PCDH9: variants seen among roughly 807,000 people sequenced by gnomAD.
PCDH9 encodes the protein protocadherin 9.
A neutral mutation model predicts 70.6 loss-of-function variants in PCDH9; 24 were observed. That is an observed-to-expected ratio of 0.34 (90% CI 0.25 to 0.48). The LOEUF (loss-of-function observed/expected upper bound fraction) is 0.48. PCDH9 is among the 20% of genes least tolerant of loss of function. The pLI, the probability that PCDH9 is intolerant of heterozygous loss-of-function variation, is 0.99. For missense variants in PCDH9, 1,281 were observed against 1,503.6 expected (o/e 0.85, Z 2.45); for synonymous variants, 562 against 558.5 (o/e 1.01, Z -0.09).
At chr13:66,915,896 T>C (rs1245372726) in intron 2 of PCDH9, among the ~76,000 whole-genome samples, 1 of 151,568 alleles carries the variant, frequency 6.6e-6, no homozygotes, top group East Asian at 1.9e-4. Context: ...ACAGAAACTG[T>C]GAGCTTGGAA....
At position 66,860,755 on chromosome 13, in the gene PCDH9, A is replaced by T. The variant is rs1288648121; in HGVS notation, c.3138+42749T>A. Among the ~76,000 whole-genome samples, 4 of 152,328 alleles carry T rather than the reference A, an allele frequency of 2.6e-5. No individual in the cohort carries two copies. In the South Asian group the frequency reaches 8.3e-4, roughly 32 times the overall value. On this transcript the variant is annotated intron_variant, in intron 3 of 4. Transcript: ENST00000377865. Reference sequence around the variant, plus strand: ...GTACTTTACCTGTGATTGCAATGGCAGATTCTTCAAAAGAGCGAAACAGAG... The same window carrying T: ...GTACTTTACCTGTGATTGCAATGGCTGATTCTTCAAAAGAGCGAAACAGAG...
intron 3 of PCDH9, among the ~76,000 whole-genome samples, chr13:66,813,493 G>A (rs1442237800): frequency 6.6e-6 from 1 of 150,664 alleles, no homozygotes; most frequent in African/African-American, 2.4e-5. Flanking sequence ...GAGGAAAGGA[G>A]GAAGGAAGAA....
At chr13:67,212,496 T>C (rs2089489417) in intron 2 of PCDH9, 1 of 152,146 alleles carries the variant, frequency 6.6e-6, no homozygotes. Flanking sequence ...AGCAGTTATT[T>C]ATTAGATGTG....
At chr13:66,969,154 T>C (rs1378796348) in intron 2 of PCDH9, among the ~76,000 whole-genome samples, 5 of 152,062 alleles carry the variant, frequency 3.3e-5, no homozygotes, top group Admixed American at 3.3e-4. Context: ...TATTCGGTAC[T>C]CTCGCTACTG....
intron 2 of PCDH9, chr13:67,002,137 AT>A (rs2084258121): frequency 2.0e-5 from 3 of 152,156 alleles, no homozygotes; most frequent in Non-Finnish European, 4.4e-5. Context: ...GATTCAAAAT[AT>A]TTGGTTTTAT....
At chr13:66,686,423 C>T (rs1407149623) in intron 3 of PCDH9, among the ~76,000 whole-genome samples, 3 of 152,124 alleles carry the variant, frequency 2.0e-5, no homozygotes, top group Non-Finnish European at 4.4e-5. Flanking sequence ...AAACCTCTTT[C>T]CATTATAAAT....
At chr13:66,497,809 T>C (rs1341698184) in intron 4 of PCDH9, among the ~76,000 whole-genome samples, 2 of 148,562 alleles carry the variant, frequency 1.3e-5, no homozygotes, top group East Asian at 4.0e-4. Flanking sequence ...CTATACACAC[T>C]CTTACTTTTT....
At chr13:66,832,344 A>C (rs2139410123) in intron 3 of PCDH9, among the ~76,000 whole-genome samples, 1 of 152,214 alleles carries the variant, frequency 6.6e-6, no homozygotes, top group East Asian at 1.9e-4. Flanking sequence ...GGTATCTAAA[A>C]CACACTGCAA....
rs71106970 is a variant in PCDH9 at position 66,435,969 on chromosome 13, AT to A, written c.3341-130942del. Among the ~76,000 whole-genome samples, 608 of 152,104 alleles carry A rather than the reference AT, an allele frequency of 4.0e-3. 5 individuals carry two copies. The highest frequency in any genetic ancestry group is 8.9e-3 in the South Asian group (43 of 4,820). On this transcript the variant is annotated intron_variant, in intron 4 of 4. Transcript: ENST00000377865. ...ATTCTGACGTTTCACATATTTTGCA[AT>A]GTTAGGATGTGAGCAATGCAAGAGG...
chr13:66,873,918 CT>C (rs796944538), intron 3 of PCDH9, among the ~76,000 whole-genome samples: 6,126 of 130,018 alleles, frequency 0.047, 407 homozygotes, highest in African/African-American at 0.15. Flanking sequence ...CTTTTCGTTT[CT>C]TTTTTTTTTT....
intron 2 of PCDH9, among the ~76,000 whole-genome samples, chr13:67,060,590 G>A (rs565178828): frequency 6.6e-6 from 1 of 151,534 alleles, no homozygotes; most frequent in South Asian, 2.1e-4. Context: ...CATTCTCACT[G>A]CCAGCACCAT....
intron 4 of PCDH9, among the ~76,000 whole-genome samples, chr13:66,446,035 G>A (rs1043760289): frequency 6.6e-6 from 1 of 151,548 alleles, no homozygotes; most frequent in African/African-American, 2.4e-5. Flanking sequence ...TAAAAATAAA[G>A]CATTTCTCCA....
chr13:66,856,861 T>C (rs953377488), intron 3 of PCDH9, among the ~76,000 whole-genome samples: 5 of 152,070 alleles, frequency 3.3e-5, no homozygotes, highest in Non-Finnish European at 5.9e-5. Context: ...TATACCCTAA[T>C]AACCAGGTAC....
At chr13:66,499,760 G>A (rs1158905146) in intron 4 of PCDH9, among the ~76,000 whole-genome samples, 1 of 152,218 alleles carries the variant, frequency 6.6e-6, no homozygotes, top group African/African-American at 2.4e-5. Flanking sequence ...CAGTGCTGCA[G>A]ATGGGACTTA....
chr13:67,185,818 C>G (rs986253436), intron 2 of PCDH9, among the ~76,000 whole-genome samples: 1 of 152,150 alleles, frequency 6.6e-6, no homozygotes, highest in African/African-American at 2.4e-5. Context: ...CTGCAATCTC[C>G]GCCTCCCGGA....
At chr13:66,518,997 A>G (rs1002568652) in intron 4 of PCDH9, among the ~76,000 whole-genome samples, 12 of 152,050 alleles carry the variant, frequency 7.9e-5, no homozygotes, top group African/African-American at 2.9e-4. Context: ...TATAATATAC[A>G]TTTTCTCTGG....
At chr13:66,937,747 T>C (rs1332579886) in intron 2 of PCDH9, among the ~76,000 whole-genome samples, 1 of 152,100 alleles carries the variant, frequency 6.6e-6, no homozygotes, top group Non-Finnish European at 1.5e-5. Flanking sequence ...TGCGTTCAAG[T>C]AAGGCAAACA....
At chr13:67,036,545 A>G (rs2085012848) in intron 2 of PCDH9, among the ~76,000 whole-genome samples, 1 of 152,228 alleles carries the variant, frequency 6.6e-6, no homozygotes, top group South Asian at 2.1e-4. Context: ...ACATTCAAGG[A>G]AAGTATGAAA....
intron 2 of PCDH9, among the ~76,000 whole-genome samples, chr13:67,133,207 A>G (rs1335730822): frequency 6.6e-6 from 1 of 152,148 alleles, no homozygotes; most frequent in African/African-American, 2.4e-5. Flanking sequence ...GGAGATATCT[A>G]TGACAAAAGA....
Sources: gnomAD v4.1 joint callset for allele counts (sites outside exome capture counted in the v4.1 genomes callset) on GRCh38, gnomAD v4.1.1 for gene constraint, MANE v1.5 for transcripts, NCBI Gene and HGNC (gene_info 2026-07-23, HGNC 2026-07-21) for gene names.